Variants in STXBP4 observed in about 807,000 individuals in gnomAD.
STXBP4 encodes the protein syntaxin-binding protein 4.
In STXBP4, 55 loss-of-function variants were observed where a neutral mutation model predicts 76.1. The observed-to-expected ratio is 0.72, with a 90% CI of 0.58 to 0.91. The LOEUF is 0.91. Among genes scored for constraint, STXBP4 ranks in the 40% least tolerant of loss-of-function variants. The pLI is 0.00. For missense variants in STXBP4, 618 were observed against 636.9 expected (o/e 0.97, Z 0.32); for synonymous variants, 201 against 220.2 (o/e 0.91, Z 0.77).
chr17:55,200,474 GC>G, the STXBP4 span, among the ~76,000 whole-genome samples: 1 of 152,184 alleles, frequency 6.6e-6, no homozygotes, highest in African/African-American at 2.4e-5. Flanking sequence ...CACTCACAAA[GC>G]AAGTACTTCA....
intron 4 of STXBP4, among the ~76,000 whole-genome samples, chr17:54,996,404 G>T (rs578080509): frequency 3.3e-5 from 5 of 151,886 alleles, no homozygotes; most frequent in Non-Finnish European, 7.4e-5. Flanking sequence ...TGTTGTGCTG[G>T]GTTTGGGATG....
In STXBP4 at chr17:55,170,902, A is replaced by G. The variant is rs544037656; in HGVS notation, c.*10991A>G. ...TCACAGATGTGATATTTATGTTTTC[A>G]TTGTCTGGGGAGGGCCAAGTTTCAT... is the stretch of plus-strand genomic sequence containing the variant. On this transcript the variant is annotated 3_prime_UTR_variant, in exon 18 of 18. Coordinates refer to ENST00000376352, the MANE Select transcript of STXBP4 (RefSeq NM_178509.6). The G allele has an allele frequency of 2.9e-4, 44 of 152,202 alleles. No individual in the cohort carries two copies. The highest frequency in any genetic ancestry group is 9.6e-4 in the African/African-American group (40 of 41,540). 9.4% of individuals were successfully genotyped at this position (152,202 alleles called of 1,614,324 possible).
At chr17:55,207,763 G>A in the STXBP4 span, among the ~76,000 whole-genome samples, 4 of 152,100 alleles carry the variant, frequency 2.6e-5, no homozygotes, top group Admixed American at 1.3e-4. Flanking sequence ...ACTCTGTCCC[G>A]TTTATGCCAC....
intron 16 of STXBP4, among the ~76,000 whole-genome samples, chr17:55,111,585 G>T (rs1210505962): frequency 6.6e-5 from 10 of 152,198 alleles, no homozygotes; most frequent in Middle Eastern, 3.4e-3. Flanking sequence ...AAGAGATCTG[G>T]TTGTTTAAAA....
chr17:55,033,697 A>T (rs1355859548), intron 9 of STXBP4, among the ~76,000 whole-genome samples: 3 of 152,152 alleles, frequency 2.0e-5, no homozygotes, highest in South Asian at 4.1e-4. Context: ...TTTCATCTGT[A>T]AAATGGACAG....
intron 8 of STXBP4, among the ~76,000 whole-genome samples, chr17:55,010,562 A>G (rs1482586467): frequency 1.3e-5 from 2 of 152,132 alleles, no homozygotes; most frequent in Admixed American, 6.5e-5. Flanking sequence ...ATAAATATGC[A>G]TTATAAACTT....
chr17:55,022,235 T>A (rs960165126), intron 8 of STXBP4, among the ~76,000 whole-genome samples: 2 of 152,160 alleles, frequency 1.3e-5, no homozygotes, highest in South Asian at 4.1e-4. Flanking sequence ...TCTTTCTAGA[T>A]TATTTGAATT....
chr17:55,021,945 CA>C (rs2078320412), intron 8 of STXBP4, among the ~76,000 whole-genome samples: 1 of 152,004 alleles, frequency 6.6e-6, no homozygotes, highest in African/African-American at 2.4e-5. Flanking sequence ...AATAATTGGA[CA>C]GGGGCACAAA....
intron 7 of STXBP4, 52 bp downstream of exon 7, chr17:55,000,935 A>C (rs2077903856): frequency 1.2e-5 from 15 of 1,225,332 alleles, no homozygotes; most frequent in Non-Finnish European, 1.7e-5. Context: ...ATTCTCTCTC[A>C]ATGAGGAGTG....
In STXBP4 at chr17:55,033,185, C is replaced by G. The variant is rs573405159; in HGVS notation, c.764-983C>G. Among the ~76,000 whole-genome samples the G allele has an allele frequency of 2.1e-3, 317 of 152,048 alleles. 1 individual carries two copies. The highest frequency in any genetic ancestry group is 7.4e-3 in the African/African-American group (307 of 41,480). The stretch of plus-strand genomic sequence containing the variant: ...GGTGAGGAGTTCAAGACCAGCCTGG[C>G]CAATATGGTGAAACCCCGTCTCTAT... On this transcript the variant is annotated intron_variant, in intron 9 of 17. Coordinates refer to ENST00000376352, the MANE Select transcript of STXBP4 (RefSeq NM_178509.6).
the STXBP4 span, among the ~76,000 whole-genome samples, chr17:55,194,960 T>C: frequency 6.6e-6 from 1 of 152,184 alleles, no homozygotes; most frequent in South Asian, 2.1e-4. Flanking sequence ...CATCAAGTAC[T>C]CATACCTGTG....
intron 1 of STXBP4, among the ~76,000 whole-genome samples, chr17:54,977,879 A>G (rs2077493931): frequency 1.3e-5 from 2 of 152,204 alleles, no homozygotes; most frequent in African/African-American, 2.4e-5. Context: ...TAGTGAATAA[A>G]TAAATAGTAG....
chr17:55,049,943 C>T (rs1313325285), intron 12 of STXBP4, among the ~76,000 whole-genome samples: 2 of 151,960 alleles, frequency 1.3e-5, no homozygotes, highest in African/African-American at 4.8e-5. Context: ...AGTCTCAAAA[C>T]TATATAAATT....
chr17:55,043,846 T>C, intron 11 of STXBP4: 1 of 563,804 alleles, frequency 1.8e-6, no homozygotes. Context: ...TTTTTGATTC[T>C]TGTTTTTGTT....
Position 55,162,072 on chromosome 17 carries a change from A to G in STXBP4, c.*2161A>G, listed in dbSNP as rs891076395. 1.3e-5 allele frequency: 2 copies of G among 152,246 alleles called. No individual in the cohort carries two copies. Among genetic ancestry groups the G allele is most frequent in the South Asian group, 2.1e-4 (1 of 4,834 alleles). 9.4% of individuals were successfully genotyped at this position (152,246 alleles called of 1,614,324 possible). ...TTCCCCAGGAGAAAATGGAAACACT[A>G]TCCCAGCAATCTGAATTCCTTACTT... On this transcript the variant is annotated 3_prime_UTR_variant, in exon 18 of 18. Transcript: ENST00000376352.
In STXBP4 at chr17:54,999,507, A is replaced by G. The variant is rs968201698; in HGVS notation, c.287+56A>G. 11 of 1,501,662 alleles carry G rather than the reference A, an allele frequency of 7.3e-6. No homozygotes were observed. In the African/African-American group the frequency reaches 1.5e-4, roughly 21 times the overall value. The allele number at this position is 1,501,662 out of a possible 1,614,324, so 93.0% of individuals were successfully genotyped here. ...TCATTTAGAATGTCTCCTTGAAAGC[A>G]GTAATTTAAGATGTATTAAGTACTT... On this transcript the variant is annotated intron_variant, in intron 5 of 17. Coordinates refer to ENST00000376352, the MANE Select transcript of STXBP4 (RefSeq NM_178509.6).
At chr17:55,078,795 C>T (rs1290279399) in intron 15 of STXBP4, 60 bp downstream of exon 15, 1 of 923,402 alleles carries the variant, frequency 1.1e-6, no homozygotes, top group Non-Finnish European at 1.8e-6. Context: ...TTCATCTGGT[C>T]ATTGTGACTC....
At chr17:55,146,045 CTT>C (rs2080149402) in intron 17 of STXBP4, among the ~76,000 whole-genome samples, 1 of 152,042 alleles carries the variant, frequency 6.6e-6, no homozygotes, top group Non-Finnish European at 1.5e-5. Flanking sequence ...TTATAGTAGT[CTT>C]TGGTATGATT....
At position 55,002,266 on chromosome 17, in the gene STXBP4, T is replaced by A. The variant is rs141847167; in HGVS notation, c.574+1383T>A. Among the ~76,000 whole-genome samples the A allele has an allele frequency of 3.2e-3, 491 of 152,252 alleles. 12 individuals carry two copies. Among genetic ancestry groups the A allele is most frequent in the East Asian group, 0.025 (131 of 5,186 alleles). ...ATAAAATATTAATAATTATATAACA[T>A]GTTTTTAACTTTTAAAGTAATTGAA... On this transcript the variant is annotated intron_variant, in intron 7 of 17. Transcript: ENST00000376352.
Sources: gnomAD v4.1 joint callset for allele counts (sites outside exome capture counted in the v4.1 genomes callset) on GRCh38, gnomAD v4.1.1 for gene constraint, MANE v1.5 for transcripts, NCBI Gene and HGNC (gene_info 2026-07-23, HGNC 2026-07-21) for gene names.